The following HECTD2 variants were observed in gnomAD, a reference collection of about 807,000 sequenced individuals.
HECTD2 encodes the protein probable E3 ubiquitin-protein ligase HECTD2.
A neutral mutation model predicts 103.2 loss-of-function variants in HECTD2; 35 were observed. The observed-to-expected ratio is 0.34, with a 90% CI of 0.26 to 0.45. The LOEUF is 0.45. Ranked by LOEUF, HECTD2 falls within the 20% of genes least tolerant of loss-of-function variation. The probability of loss-of-function intolerance (pLI) is 1.00; values close to 1 mark genes in which losing one functional copy is unlikely to be tolerated. For synonymous variants in HECTD2, 281 were observed against 329.9 expected (o/e 0.85, Z 1.61); for missense variants, 596 against 937.4 (o/e 0.64, Z 4.76).
Position 91,410,610 on chromosome 10 carries a change from G to T in HECTD2, c.138+34G>T. 2.9e-6 allele frequency: 3 copies of T among 1,040,252 alleles called. No homozygotes were observed. In the South Asian group the frequency reaches 7.1e-5, roughly 25 times the overall value. The allele number at this position is 1,040,252 out of a possible 1,614,324, so 64.4% of individuals were successfully genotyped here. A position where few individuals can be genotyped will look rare whatever the true frequency, so the allele number is the denominator to read the frequency against. On this transcript the variant is annotated intron_variant, in intron 1 of 20. Coordinates refer to ENST00000298068, the MANE Select transcript of HECTD2 (RefSeq NM_182765.6). The stretch of plus-strand genomic sequence containing the variant: ...TGGGCCGGGGCCGTCTGGCGCCCCG[G>T]ACGGCGGGAGTTGGGAGGGACGGCG...
At chr10:91,462,268 C>G (rs923415307) in intron 5 of HECTD2, 84 bp downstream of exon 5, 5 of 1,349,980 alleles carry the variant, frequency 3.7e-6, no homozygotes, top group Non-Finnish European at 3.9e-6. Context: ...TAAAAATCAC[C>G]TTATAATTAC....
At chr10:91,492,667 T>C (rs758307742) in intron 13 of HECTD2, among the ~76,000 whole-genome samples, 183 bp downstream of exon 13, 3 of 152,210 alleles carry the variant, frequency 2.0e-5, no homozygotes, top group Admixed American at 6.5e-5. Flanking sequence ...TGTTGATCAG[T>C]TGATTCTCTT....
At chr10:91,433,590 T>C (rs957633905) in intron 2 of HECTD2, among the ~76,000 whole-genome samples, 15 of 152,000 alleles carry the variant, frequency 9.9e-5, no homozygotes. Context: ...CTCAGATTCC[T>C]ATTAAAATAA....
intron 2 of HECTD2, among the ~76,000 whole-genome samples, chr10:91,459,893 A>G (rs909868930): frequency 9.9e-5 from 15 of 152,098 alleles, no homozygotes; most frequent in African/African-American, 3.6e-4. Flanking sequence ...CCTGGGAGCA[A>G]TAGGCTATAT....
At chr10:91,478,697 A>C (rs902648405) in intron 6 of HECTD2, among the ~76,000 whole-genome samples, 5 of 152,074 alleles carry the variant, frequency 3.3e-5, no homozygotes, top group Admixed American at 6.5e-5. Context: ...TCAGAACTAA[A>C]TATTAGATTC....
At chr10:91,491,471 C>T (rs1211337252) in intron 12 of HECTD2, among the ~76,000 whole-genome samples, 164 bp downstream of exon 12, 3 of 151,982 alleles carry the variant, frequency 2.0e-5, no homozygotes, top group African/African-American at 7.3e-5. Context: ...AGTTTGATAC[C>T]ATAGTTAAAA....
chr10:91,447,783 T>A (rs1408863205), intron 2 of HECTD2, among the ~76,000 whole-genome samples: 2 of 10,960 alleles, frequency 1.8e-4, no homozygotes, highest in African/African-American at 3.6e-4. Flanking sequence ...CCAACAAAGA[T>A]CCAAAAAGAC....
rs1846312802 is a variant in HECTD2 at position 91,487,623 on chromosome 10, A to G, written c.1095-59A>G. The G allele has an allele frequency of 1.0e-6, 1 of 993,140 alleles. No individual in the cohort carries two copies. Among genetic ancestry groups the G allele is most frequent in the African/African-American group, 1.6e-5 (1 of 63,164 alleles). 61.5% of individuals were successfully genotyped at this position (993,140 alleles called of 1,614,324 possible). ...TACAAGGGGTACCTTAGATTCCCTT[A>G]GTATAATTTTGTTAAAAATACACCA... On this transcript the variant is annotated intron_variant, in intron 10 of 20. Coordinates refer to ENST00000298068, the MANE Select transcript of HECTD2 (RefSeq NM_182765.6). This position sits in a 1 kb window ranked among gnomAD's most constrained non-coding sequence, Gnocchi z 4.1.
chr10:91,472,427 A>G (rs1338645961), intron 5 of HECTD2, among the ~76,000 whole-genome samples: 7 of 152,220 alleles, frequency 4.6e-5, no homozygotes. Context: ...TGCCAAAAGC[A>G]ATTGCGACAA....
chr10:91,504,331 G>C (rs1215497556), intron 20 of HECTD2, among the ~76,000 whole-genome samples: 1 of 152,154 alleles, frequency 6.6e-6, no homozygotes, highest in Non-Finnish European at 1.5e-5. Context: ...ATTACTCTGA[G>C]CTACGGGAGG....
intron 5 of HECTD2, among the ~76,000 whole-genome samples, chr10:91,475,225 TTG>T (rs1330551328): frequency 6.6e-6 from 1 of 152,168 alleles, no homozygotes; most frequent in Admixed American, 6.5e-5. Context: ...CTTGTAGTAG[TTG>T]AAGCAAAAGT....
chr10:91,487,380 G>T lies in HECTD2; in HGVS notation c.1095-302G>T, dbSNP rs1351147115. 8.9e-6 allele frequency: 3 copies of T among 335,914 alleles called. No individual in the cohort carries two copies. The Admixed American group carries it at 1.2e-4, about 13-fold the overall frequency. 20.8% of individuals were successfully genotyped at this position (335,914 alleles called of 1,614,324 possible). A position where few individuals can be genotyped will look rare whatever the true frequency, so the allele number is the denominator to read the frequency against. On this transcript the variant is annotated intron_variant, in intron 10 of 20. Coordinates refer to ENST00000298068, the MANE Select transcript of HECTD2 (RefSeq NM_182765.6). This position sits in a 1 kb window ranked among gnomAD's most constrained non-coding sequence, Gnocchi z 4.1. ...TCCTGGTTCTGGTATTGGCCATGTT[G>T]TTCACAGGTGATGATATACAATGAA...
At chr10:91,498,288 C>T (rs1253589411) in intron 16 of HECTD2, 106 bp downstream of exon 16, 1 of 744,096 alleles carries the variant, frequency 1.3e-6, no homozygotes, top group Non-Finnish European at 2.4e-6. Context: ...AAGGATTAAC[C>T]AATACATACA....
chr10:91,506,018 T>G (rs1304702381), intron 20 of HECTD2, among the ~76,000 whole-genome samples: 8 of 151,126 alleles, frequency 5.3e-5, no homozygotes, highest in African/African-American at 1.7e-4. Flanking sequence ...TGCTCCTGAA[T>G]GACTACTGGG....
intron 5 of HECTD2, among the ~76,000 whole-genome samples, chr10:91,474,335 A>G (rs1328278516): frequency 1.3e-5 from 2 of 152,208 alleles, no homozygotes; most frequent in African/African-American, 4.8e-5. Context: ...GTTAGAAGAG[A>G]CTATCACTTT....
At chr10:91,459,334 T>C (rs1845243988) in intron 2 of HECTD2, among the ~76,000 whole-genome samples, 3 of 152,022 alleles carry the variant, frequency 2.0e-5, no homozygotes, top group Non-Finnish European at 4.4e-5. Flanking sequence ...AACTGCCGTA[T>C]ATTTACCTCA....
chr10:91,437,278 C>T (rs550302641), intron 2 of HECTD2, among the ~76,000 whole-genome samples: 2 of 152,000 alleles, frequency 1.3e-5, no homozygotes, highest in Non-Finnish European at 2.9e-5. Context: ...TGATCATTCC[C>T]ATGCCTGATG....
chr10:91,464,042 C>T (rs1035020674), intron 5 of HECTD2, among the ~76,000 whole-genome samples: 1 of 152,012 alleles, frequency 6.6e-6, no homozygotes, highest in Non-Finnish European at 1.5e-5. Flanking sequence ...CAATCTAGTC[C>T]TCGAGGGATC....
intron 1 of HECTD2, 81 bp from the exon 2 acceptor site, chr10:91,425,198 CTT>C (rs1843510359): frequency 1.8e-6 from 2 of 1,122,860 alleles, no homozygotes; most frequent in Non-Finnish European, 2.4e-6. Flanking sequence ...ATTAAAATCT[CTT>C]ATAAATGTTT....
Sources: gnomAD v4.1 joint callset for allele counts (sites outside exome capture counted in the v4.1 genomes callset) on GRCh38, gnomAD v4.1.1 for gene constraint, Gnocchi (gnomAD v3.1) non-coding constraint, MANE v1.5 for transcripts, NCBI Gene and HGNC (gene_info 2026-07-23, HGNC 2026-07-21) for gene names.